The following TUBGCP5 variants were observed in gnomAD, a reference collection of about 807,000 sequenced individuals.
TUBGCP5 encodes the protein tubulin gamma complex component 5, also known as gamma-tubulin complex component 5.
Under a neutral mutation model 134.7 loss-of-function variants are expected in TUBGCP5, and 98 were observed. The observed-to-expected ratio is 0.73, with a 90% CI of 0.62 to 0.86. TUBGCP5 has a LOEUF of 0.86. Ranked by LOEUF, TUBGCP5 falls within the 40% of genes least tolerant of loss-of-function variation. The probability of loss-of-function intolerance (pLI) is 0.00; values close to 1 mark genes in which losing one functional copy is unlikely to be tolerated. For missense variants in TUBGCP5, 1,150 were observed against 1,244.8 expected, an observed-to-expected ratio of 0.92 and a Z score of 1.15; for synonymous variants, 456 against 431.4, an observed-to-expected ratio of 1.06 and a Z score of -0.71.
chr15:23,026,070 G>A, intron 8 of TUBGCP5, 46 bp downstream of exon 8: 2 of 1,494,706 alleles, frequency 1.3e-6, no homozygotes, highest in Non-Finnish European at 1.8e-6. Context: ...TTGCTTCTCA[G>A]TAATCAAGTC....
In TUBGCP5 at chr15:23,016,637, A is replaced by C. The variant is rs2065338097; in HGVS notation, c.1756+1136T>G. On this transcript the variant is annotated intron_variant, in intron 13 of 22. Transcript: ENST00000615383. ...CAAATCAAAACCACAATGAGGTATC[A>C]TTTCACCCCAGTCAGGATGGTTATT... Among the ~76,000 whole-genome samples the C allele has an allele frequency of 2.0e-5, 3 of 152,112 alleles. No individual in the cohort carries two copies. The South Asian group carries it at 6.2e-4, about 32-fold the overall frequency.
rs2066273236 is a variant in TUBGCP5 at position 23,030,930 on chromosome 15, C to G, written c.577G>C (p.Glu193Gln). Residue 193 changes from glutamate (E) to glutamine (Q), a missense_variant, in exon 6 of 23, where the codon GAA becomes CAA. Transcript: ENST00000615383. ...GIQVDRTPLE[E>Q]QDQNRKLDPC... Reference sequence around the variant, plus strand: ...TCCAGTTTTCTGTTTTGATCTTGTTCTTCTAACGGTGTCCTGTCTACCTGA... The same window carrying G: ...TCCAGTTTTCTGTTTTGATCTTGTTGTTCTAACGGTGTCCTGTCTACCTGA... The G allele has an allele frequency of 6.2e-6, 10 of 1,613,592 alleles. No individual in the cohort carries two copies. The highest frequency in any genetic ancestry group is 5.9e-6 in the Non-Finnish European group (7 of 1,179,884).
At chr15:22,987,336 CAAA>C (rs34835716) in intron 23 of TUBGCP5, among the ~76,000 whole-genome samples, 3 of 125,448 alleles carry the variant, frequency 2.4e-5, no homozygotes, top group Non-Finnish European at 3.4e-5. Flanking sequence ...AACTCCATCT[CAAA>C]AAAAAAAAAA....
intron 11 of TUBGCP5, among the ~76,000 whole-genome samples, chr15:23,019,918 A>AG (rs1180604676): frequency 5.3e-5 from 8 of 152,182 alleles, no homozygotes; most frequent in African/African-American, 1.9e-4. Context: ...GTGTATCCTG[A>AG]GATAGCCCAG....
At chr15:22,992,964 GAATT>G (rs1276697596) in intron 23 of TUBGCP5, among the ~76,000 whole-genome samples, 2 of 151,948 alleles carry the variant, frequency 1.3e-5, no homozygotes, top group East Asian at 3.9e-4. Flanking sequence ...AAAGGAGACA[GAATT>G]AATGGTTTTG....
At chr15:23,027,375 A>C (rs2066039800) in intron 6 of TUBGCP5, 69 bp from the exon 7 acceptor site, 10 of 1,252,944 alleles carry the variant, frequency 8.0e-6, no homozygotes, top group Non-Finnish European at 1.2e-5. Context: ...ACCTGGACTT[A>C]CAGCTCCATT....
At position 23,008,775 on chromosome 15, in the gene TUBGCP5, T is replaced by C. The variant is rs1164263444; in HGVS notation, c.2251A>G (p.Thr751Ala). Residue 751 changes from threonine to alanine, a missense_variant, in exon 16 of 23, where the codon ACA (threonine) becomes GCA (alanine). Physicochemically the swap from Thr to Ala is moderately conservative, Grantham distance 58. Coordinates refer to ENST00000615383, the MANE Select transcript of TUBGCP5 (RefSeq NM_052903.6). ...SIFDKIREKETWQNVSFLNVQ... is the reference protein window; with the variant it reads ...SIFDKIREKEAWQNVSFLNVQ... ...TTAAGAAAAGACACATTCTGCCATG[T>C]TTCCTTTTCTCTTATTTTATCAAAA... 1 of 1,607,964 alleles carries C rather than the reference T, an allele frequency of 6.2e-7. No individual in the cohort carries two copies. The highest frequency in any genetic ancestry group is 8.5e-7 in the Non-Finnish European group (1 of 1,178,710).
At chr15:22,988,660 T>G (rs377272803) in intron 23 of TUBGCP5, among the ~76,000 whole-genome samples, 1 of 148,398 alleles carries the variant, frequency 6.7e-6, no homozygotes, top group African/African-American at 2.5e-5. Context: ...GGCGTGAACC[T>G]AGGAGGCAGA....
chr15:23,037,261 C>A, intron 1 of TUBGCP5, 109 bp from the exon 2 acceptor site: 1 of 1,045,552 alleles, frequency 9.6e-7, no homozygotes, highest in Non-Finnish European at 1.4e-6. Context: ...CTACACATTT[C>A]CAGAATGGAG....
At chr15:23,016,969 G>GATATACATATATAT (rs2065361294) in intron 13 of TUBGCP5, among the ~76,000 whole-genome samples, 1 of 109,396 alleles carries the variant, frequency 9.1e-6, no homozygotes, top group African/African-American at 3.6e-5. Context: ...AAAATTGTGA[G>GATATACATATATAT]ATATATATAT....
At position 23,004,084 on chromosome 15, in the gene TUBGCP5, A is replaced by G; in HGVS notation, c.2838+18T>C. On this transcript the variant is annotated intron_variant, in intron 20 of 22. Transcript: ENST00000615383. The stretch of plus-strand genomic sequence containing the variant: ...CTCGCCCAGCAGTGGCCACATCTGC[A>G]GGAGACATCTCATGTACCTTTTCTC... 1 of 1,600,448 alleles carries G rather than the reference A, an allele frequency of 6.2e-7. No individual in the cohort carries two copies. The highest frequency in any genetic ancestry group is 8.5e-7 in the Non-Finnish European group (1 of 1,175,768).
chr15:23,032,955 C>T (rs2066397564), intron 3 of TUBGCP5, 131 bp from the exon 4 acceptor site: 1 of 541,200 alleles, frequency 1.8e-6, no homozygotes, highest in African/African-American at 1.9e-5. Context: ...TGAGTTATAC[C>T]TAAATAATCC....
chr15:22,983,398 C>T (rs1482397811), exon 24 of TUBGCP5: 1 of 152,172 alleles, frequency 6.6e-6, no homozygotes, highest in African/African-American at 2.4e-5. Context: ...TAGTAGCACA[C>T]TCTACACTGT....
intron 13 of TUBGCP5, among the ~76,000 whole-genome samples, chr15:23,014,878 C>T (rs1394180061): frequency 6.6e-6 from 1 of 152,170 alleles, no homozygotes; most frequent in South Asian, 2.1e-4. Context: ...CATCCTAGGC[C>T]TGAGAAACAG....
chr15:23,006,883 G>T (rs2064745833), intron 16 of TUBGCP5, among the ~76,000 whole-genome samples: 2 of 152,198 alleles, frequency 1.3e-5, no homozygotes, highest in African/African-American at 4.8e-5. Context: ...ACATGAAAAT[G>T]TCCAAGTGCC....
chr15:23,016,969 GATATAT>G (rs57631069), intron 13 of TUBGCP5, among the ~76,000 whole-genome samples: 8 of 109,436 alleles, frequency 7.3e-5, no homozygotes, highest in African/African-American at 1.1e-4. Context: ...AAAATTGTGA[GATATAT>G]ATATATATAT....
At chr15:23,003,285 G>GCA in intron 20 of TUBGCP5, 132 bp from the exon 21 acceptor site, 2 of 784,452 alleles carry the variant, frequency 2.5e-6, no homozygotes, top group African/African-American at 1.7e-5. Flanking sequence ...TATATGGAAG[G>GCA]GTACTAGGCT....
chr15:22,993,733 T>C (rs2081322465), intron 23 of TUBGCP5, among the ~76,000 whole-genome samples: 3 of 150,724 alleles, frequency 2.0e-5, no homozygotes. Context: ...TCAGTAGAGA[T>C]GGGGTTTCAC....
chr15:23,030,206 G>GA (rs1278606820), intron 6 of TUBGCP5, among the ~76,000 whole-genome samples: 2 of 151,884 alleles, frequency 1.3e-5, no homozygotes, highest in East Asian at 3.9e-4. Flanking sequence ...CAAAAAAAAA[G>GA]AAAAGGAGCC....
Sources: allele counts gnomAD v4.1 joint callset (sites outside exome capture counted in the v4.1 genomes callset), GRCh38; gene constraint gnomAD v4.1.1; transcripts MANE v1.5; gene names NCBI Gene and HGNC (gene_info 2026-07-23, HGNC 2026-07-21).